The following CAMTA1 variants were observed in gnomAD, a reference collection of about 807,000 sequenced individuals.
CAMTA1 encodes the protein calmodulin-binding transcription activator 1.
In CAMTA1, 27 loss-of-function variants were observed where a neutral mutation model predicts 170.9. That is an observed-to-expected ratio of 0.16 (90% CI 0.12 to 0.22). CAMTA1 has a LOEUF of 0.22. Among genes scored for constraint, CAMTA1 ranks in the 10% least tolerant of loss-of-function variants. The pLI is 1.00. For synonymous variants in CAMTA1, 833 were observed against 891.5 expected (o/e 0.93, Z 1.17); for missense variants, 1,619 against 2,217.2 (o/e 0.73, Z 5.42).
intron 3 of CAMTA1, among the ~76,000 whole-genome samples, chr1:7,040,294 C>T (rs984945691): frequency 2.0e-5 from 3 of 151,938 alleles, no homozygotes; most frequent in Admixed American, 6.6e-5. Flanking sequence ...GATGTTTTCA[C>T]GATGTAAATA....
At chr1:7,104,059 G>C (rs1032276473) in intron 4 of CAMTA1, among the ~76,000 whole-genome samples, 46 of 138,926 alleles carry the variant, frequency 3.3e-4, no homozygotes, top group Admixed American at 5.8e-4. Context: ...CAACTACACA[G>C]ATGTACACAC....
chr1:7,504,952 G>A (rs2094077153), intron 6 of CAMTA1, among the ~76,000 whole-genome samples: 2 of 150,402 alleles, frequency 1.3e-5, no homozygotes, highest in Admixed American at 6.6e-5. Flanking sequence ...CAAGCACACA[G>A]ATGCCTCATG....
intron 3 of CAMTA1, among the ~76,000 whole-genome samples, chr1:6,997,512 T>G: frequency 6.6e-6 from 1 of 152,046 alleles, no homozygotes; most frequent in East Asian, 1.9e-4. Context: ...CAATTTCAGG[T>G]TTTTACACAT....
Position 7,769,448 on chromosome 1 carries a change from A to G in CAMTA1, c.*2957A>G, listed in dbSNP as rs2097043190. The G allele has an allele frequency of 2.6e-5, 4 of 152,772 alleles. No homozygotes were observed. In the South Asian group the frequency reaches 8.3e-4, roughly 32 times the overall value. The allele number at this position is 152,772 out of a possible 1,614,324, so 9.5% of individuals were successfully genotyped here. ...CTCTGGCTGCACGGTCGCTTATGGC[A>G]GTTCCACACAGTAGTTGGCGCCCAA... On this transcript the variant is annotated 3_prime_UTR_variant, in exon 23 of 23. Transcript: ENST00000303635.
Position 7,274,472 on chromosome 1 carries a change from A to G in CAMTA1, c.438+24846A>G, listed in dbSNP as rs539145529. Reference sequence around the variant, plus strand: ...ATACATGCCAAAGTGACAGAATTGAAAGGAAGAATGGATAAATTTCACAAT... The same window carrying G: ...ATACATGCCAAAGTGACAGAATTGAGAGGAAGAATGGATAAATTTCACAAT... On this transcript the variant is annotated intron_variant, in intron 5 of 22. Coordinates refer to ENST00000303635, the MANE Select transcript of CAMTA1 (RefSeq NM_015215.4). 2.0e-5 allele frequency among the ~76,000 whole-genome samples: 3 copies of G among 152,320 alleles called. No individual in the cohort carries two copies. In the East Asian group the frequency reaches 5.8e-4, roughly 29 times the overall value.
At chr1:7,558,182 C>T (rs1016598007) in intron 6 of CAMTA1, among the ~76,000 whole-genome samples, 10 of 152,360 alleles carry the variant, frequency 6.6e-5, no homozygotes, top group African/African-American at 2.4e-4. Flanking sequence ...TCTTCCCAGT[C>T]CAGCTCCGCC....
intron 11 of CAMTA1, among the ~76,000 whole-genome samples, chr1:7,706,115 T>G (rs2096522774): frequency 6.6e-6 from 1 of 152,248 alleles, no homozygotes; most frequent in African/African-American, 2.4e-5. Flanking sequence ...CAGACTGTCT[T>G]CTTAATCAGT....
intron 3 of CAMTA1, among the ~76,000 whole-genome samples, chr1:6,865,460 G>T (rs1666272462): frequency 6.6e-6 from 1 of 152,180 alleles, no homozygotes; most frequent in Non-Finnish European, 1.5e-5. Flanking sequence ...TTGTGGTTAG[G>T]ATAGATTTGG....
chr1:6,993,686 G>A (rs1278915401), intron 3 of CAMTA1, among the ~76,000 whole-genome samples: 1 of 152,098 alleles, frequency 6.6e-6, no homozygotes, highest in East Asian at 1.9e-4. Flanking sequence ...GCCTTCTGAT[G>A]TTTGTGGTTT....
chr1:7,134,286 T>C (rs1364239544), intron 4 of CAMTA1, among the ~76,000 whole-genome samples: 2 of 152,036 alleles, frequency 1.3e-5, no homozygotes, highest in Non-Finnish European at 2.9e-5. Flanking sequence ...ATATTTGCTT[T>C]TATTTTTATT....
At chr1:7,709,913 G>T (rs114600984) in intron 11 of CAMTA1, among the ~76,000 whole-genome samples, 2,350 of 152,304 alleles carry the variant, frequency 0.015, 56 homozygotes, top group African/African-American at 0.054. Context: ...TTCCATATGG[G>T]AGTGTGTGTG....
chr1:7,366,566 G>A (rs2085982846), intron 5 of CAMTA1, among the ~76,000 whole-genome samples: 1 of 152,260 alleles, frequency 6.6e-6, no homozygotes, highest in Non-Finnish European at 1.5e-5. Flanking sequence ...TGCAGCAGAT[G>A]AAGTAGATGC....
rs1296494200 is a variant in CAMTA1, at chr1:7,751,412, T to C, written c.4883+20T>C. 6.4e-7 allele frequency: 1 copy of C among 1,560,100 alleles called. No individual in the cohort carries two copies. ...ACTCAGGTGGGTGGAGAAGAGCTCA[T>C]GGAGGTAAAGCTCCCTAGGGAAGAG... On this transcript the variant is annotated intron_variant, in intron 20 of 22. Coordinates refer to ENST00000303635, the MANE Select transcript of CAMTA1 (RefSeq NM_015215.4).
At chr1:7,535,649 C>G (rs1432627260) in intron 6 of CAMTA1, among the ~76,000 whole-genome samples, 1 of 152,182 alleles carries the variant, frequency 6.6e-6, no homozygotes, top group Non-Finnish European at 1.5e-5. Context: ...GTCACTGATG[C>G]AAACACAGGA....
intron 3 of CAMTA1, among the ~76,000 whole-genome samples, chr1:7,077,226 T>G (rs1046839781): frequency 3.9e-4 from 56 of 144,136 alleles, no homozygotes; most frequent in African/African-American, 9.0e-4. Context: ...AAGGAAAGGT[T>G]TTTTTTTTTT....
rs1576692601 is a variant in CAMTA1 at position 7,665,341 on chromosome 1, T to C, written c.2652+142T>C. 4.9e-6 allele frequency: 3 copies of C among 608,488 alleles called. No individual in the cohort carries two copies. Among genetic ancestry groups the C allele is most frequent in the Non-Finnish European group, 5.0e-6 (2 of 403,892 alleles). The allele number at this position is 608,488 out of a possible 1,614,324, so 37.7% of individuals were successfully genotyped here. ...CACAAAGATGATGCTTTCCCCTCCT[T>C]GTGTCCCCACGGCGCTTGAACACCT... On this transcript the variant is annotated intron_variant, in intron 9 of 22. Transcript: ENST00000303635. The surrounding 1 kb of genome is among the most constrained non-coding windows in gnomAD (Gnocchi z 4.3).
At chr1:7,088,469 C>A (rs573607356) in intron 3 of CAMTA1, among the ~76,000 whole-genome samples, 5 of 152,196 alleles carry the variant, frequency 3.3e-5, no homozygotes, top group Non-Finnish European at 4.4e-5. Context: ...TTTAACTGCA[C>A]GCTTCAAAGT....
intron 5 of CAMTA1, among the ~76,000 whole-genome samples, chr1:7,415,672 T>C (rs2091111044): frequency 6.6e-6 from 1 of 152,204 alleles, no homozygotes; most frequent in Admixed American, 6.5e-5. Flanking sequence ...TGAGATGGGT[T>C]TCCTGAATAC....
intron 6 of CAMTA1, among the ~76,000 whole-genome samples, chr1:7,498,373 G>A (rs1004185652): frequency 2.4e-4 from 35 of 147,676 alleles, no homozygotes; most frequent in African/African-American, 8.1e-4. Context: ...GGATGTGTGT[G>A]TATGAGTGGA....
Sources: allele counts gnomAD v4.1 joint callset (sites outside exome capture counted in the v4.1 genomes callset), GRCh38; gene constraint gnomAD v4.1.1; non-coding constraint Gnocchi (gnomAD v3.1); transcripts MANE v1.5; gene names NCBI Gene and HGNC (gene_info 2026-07-23, HGNC 2026-07-21).